IGFBP7: variants seen among roughly 807,000 people sequenced by gnomAD.
IGFBP7 encodes insulin like growth factor binding protein 7.
A neutral mutation model predicts 29.4 loss-of-function variants in IGFBP7; 31 were observed. That is an observed-to-expected ratio of 1.05 (90% CI 0.79 to 1.42). The LOEUF (loss-of-function observed/expected upper bound fraction) is 1.42, where lower values mean the gene tolerates loss of function less well. Ranked by LOEUF, IGFBP7 falls within the 40% of genes most tolerant of loss-of-function variation. The probability of loss-of-function intolerance (pLI) is 0.00; values close to 1 mark genes in which losing one functional copy is unlikely to be tolerated. For synonymous variants in IGFBP7, 172 were observed against 174.9 expected (o/e 0.98, Z 0.13); for missense variants, 393 against 395.5 (o/e 0.99, Z 0.05).
chr4:57,095,840 A>G (rs980503763), intron 1 of IGFBP7, among the ~76,000 whole-genome samples: 4 of 152,186 alleles, frequency 2.6e-5, no homozygotes, highest in African/African-American at 7.2e-5. Context: ...GCCTCTCCCT[A>G]TCAGAGATTC....
At chr4:57,048,717 A>G (rs1724427717) in intron 1 of IGFBP7, among the ~76,000 whole-genome samples, 1 of 152,182 alleles carries the variant, frequency 6.6e-6, no homozygotes, top group Non-Finnish European at 1.5e-5. Flanking sequence ...AAGTATGTGA[A>G]CAATTTCCTA....
At chr4:57,055,954 C>T (rs4561981) in intron 1 of IGFBP7, among the ~76,000 whole-genome samples, 92,534 of 151,812 alleles carry the variant, frequency 0.61, 28,804 homozygotes, top group East Asian at 0.9. Flanking sequence ...GAGCGCAGGG[C>T]GTGATGGCTG....
chr4:57,069,066 G>A (rs570651480), intron 1 of IGFBP7, among the ~76,000 whole-genome samples: 2 of 152,176 alleles, frequency 1.3e-5, no homozygotes, highest in South Asian at 2.1e-4. Context: ...TATGTGGGTG[G>A]TTGAATCACC....
intron 4 of IGFBP7, chr4:57,032,190 C>G: frequency 9.1e-7 from 1 of 1,093,220 alleles, no homozygotes; most frequent in East Asian, 3.3e-5. Context: ...GATTTTGACT[C>G]TTACATGTTA....
chr4:57,053,849 C>T (rs1202269298), intron 1 of IGFBP7, among the ~76,000 whole-genome samples: 2 of 152,164 alleles, frequency 1.3e-5, no homozygotes, highest in South Asian at 2.1e-4. Context: ...TATGACTCAC[C>T]TTAAATACAA....
chr4:57,109,754 T>G, intron 1 of IGFBP7, 123 bp downstream of exon 1: 1 of 1,233,206 alleles, frequency 8.1e-7, no homozygotes, highest in Non-Finnish European at 1.1e-6. Context: ...ATCTGGCTCC[T>G]GGGATGCCCG....
intron 1 of IGFBP7, among the ~76,000 whole-genome samples, chr4:57,066,561 AGTTTT>A (rs1724926256): frequency 1.3e-5 from 2 of 151,802 alleles, no homozygotes; most frequent in Admixed American, 1.3e-4. Context: ...ATTTTCCTTT[AGTTTT>A]AAGTTTTTTT....
intron 1 of IGFBP7, among the ~76,000 whole-genome samples, chr4:57,085,302 G>A (rs2412776): frequency 0.81 from 123,510 of 152,030 alleles, 50,269 homozygotes; most frequent in East Asian, 0.96. Flanking sequence ...AGTGACTCCT[G>A]TTATCCGTAT....
chr4:57,056,939 T>G (rs1006057082), intron 1 of IGFBP7, among the ~76,000 whole-genome samples: 8 of 152,230 alleles, frequency 5.3e-5, no homozygotes, highest in Admixed American at 5.2e-4. Context: ...TTTATTTCAC[T>G]TGAATTATTA....
intron 1 of IGFBP7, among the ~76,000 whole-genome samples, chr4:57,043,583 A>AT (rs1326432754): frequency 3.3e-5 from 5 of 152,236 alleles, no homozygotes; most frequent in Non-Finnish European, 5.9e-5. Context: ...TTAGAAGCTG[A>AT]TTTTTTTTAA....
intron 2 of IGFBP7, among the ~76,000 whole-genome samples, chr4:57,034,608 C>T (rs1421444274): frequency 1.3e-5 from 2 of 152,192 alleles, no homozygotes; most frequent in African/African-American, 4.8e-5. Flanking sequence ...ACTTCCATCT[C>T]AGTGTTGCTT....
At chr4:57,047,756 G>C (rs1232566777) in intron 1 of IGFBP7, among the ~76,000 whole-genome samples, 1 of 152,064 alleles carries the variant, frequency 6.6e-6, no homozygotes, top group Non-Finnish European at 1.5e-5. Context: ...TCTTTTTAGA[G>C]ACTGGGTCTT....
At chr4:57,106,477 G>C (rs1013123283) in intron 1 of IGFBP7, among the ~76,000 whole-genome samples, 20 of 152,182 alleles carry the variant, frequency 1.3e-4, no homozygotes, top group Non-Finnish European at 2.8e-4. Context: ...CATATGTGCT[G>C]AAGTGTGAAT....
chr4:57,097,934 A>G lies in IGFBP7; in HGVS notation c.475+11943T>C, dbSNP rs115319137. ...TGAGCACTGGAGACCTGTCAAACCCACAGTCACAACCATGGGGTTACAGCT... is the reference window on the plus strand; with the variant it reads ...TGAGCACTGGAGACCTGTCAAACCCGCAGTCACAACCATGGGGTTACAGCT... On this transcript the variant is annotated intron_variant, in intron 1 of 4. Coordinates refer to ENST00000295666, the MANE Select transcript of IGFBP7 (RefSeq NM_001553.3). 6.1e-3 allele frequency among the ~76,000 whole-genome samples: 925 copies of G among 152,328 alleles called. 12 individuals carry two copies. Among genetic ancestry groups the G allele is most frequent in the African/African-American group, 0.021 (860 of 41,572 alleles).
At chr4:57,073,183 T>C (rs13108418) in intron 1 of IGFBP7, 103,276 of 1,332,964 alleles carry the variant, frequency 0.077, 4,695 homozygotes, top group Non-Finnish European at 0.082. Context: ...TTTCCTTAGA[T>C]GGTCTGTCCT....
chr4:57,105,215 T>C (rs1725993684), intron 1 of IGFBP7, among the ~76,000 whole-genome samples: 1 of 152,202 alleles, frequency 6.6e-6, no homozygotes, highest in African/African-American at 2.4e-5. Flanking sequence ...ATACTGCTCA[T>C]TCATCTGGAG....
chr4:57,067,276 G>A (rs140196659), intron 1 of IGFBP7, among the ~76,000 whole-genome samples: 40 of 152,252 alleles, frequency 2.6e-4, no homozygotes, highest in African/African-American at 9.6e-4. Flanking sequence ...CAAAACGTAA[G>A]CCTTAACTGT....
At position 57,030,851 on chromosome 4, in the gene IGFBP7, G is replaced by T. The variant is rs747113472; in HGVS notation, c.*466C>A. On this transcript the variant is annotated 3_prime_UTR_variant, in exon 5 of 5. Transcript: ENST00000295666. ...TCTTTTTCTGGGGTAGAGAAGTGGG[G>T]TCACTTCAATACAATTCTGCTAATT... The T allele has an allele frequency of 3.5e-5, 36 of 1,041,912 alleles. No individual in the cohort carries two copies. The highest frequency in any genetic ancestry group is 6.8e-5 in the Admixed American group (4 of 58,926). The allele number at this position is 1,041,912 out of a possible 1,614,324, so 64.5% of individuals were successfully genotyped here. A position where few individuals can be genotyped will look rare whatever the true frequency, so the allele number is the denominator to read the frequency against.
chr4:57,034,060 A>AAAC (rs1435140114), intron 2 of IGFBP7, among the ~76,000 whole-genome samples: 6 of 151,300 alleles, frequency 4.0e-5, no homozygotes, highest in South Asian at 2.1e-4. Flanking sequence ...AAAAAAAAAA[A>AAAC]AAAAAAAACA....
Sources: gnomAD v4.1 joint callset for allele counts (sites outside exome capture counted in the v4.1 genomes callset) on GRCh38, gnomAD v4.1.1 for gene constraint, MANE v1.5 for transcripts, NCBI Gene and HGNC (gene_info 2026-07-23, HGNC 2026-07-21) for gene names.